The following TMEM178B variants were observed in gnomAD, a reference collection of about 807,000 sequenced individuals.
TMEM178B encodes the protein transmembrane protein 178B.
In TMEM178B, 5 loss-of-function variants were observed where a neutral mutation model predicts 31.0. That is an observed-to-expected ratio of 0.16 (90% CI 0.08 to 0.34). The LOEUF is 0.34. TMEM178B is among the 10% of genes least tolerant of loss of function. The pLI, the probability that TMEM178B is intolerant of heterozygous loss-of-function variation, is 1.00. For synonymous variants in TMEM178B, 164 were observed against 164.0 expected, an observed-to-expected ratio of 1.00 and a Z score of 0.00; for missense variants, 275 against 400.3, an observed-to-expected ratio of 0.69 and a Z score of 2.67.
chr7:141,373,519 G>A (rs539719550), intron 2 of TMEM178B, among the ~76,000 whole-genome samples: 1 of 152,356 alleles, frequency 6.6e-6, no homozygotes, highest in African/African-American at 2.4e-5. Flanking sequence ...ACTGCTCAGA[G>A]TGGGAGGGTG....
At chr7:141,149,067 G>A (rs1795908488) in intron 1 of TMEM178B, among the ~76,000 whole-genome samples, 2 of 152,292 alleles carry the variant, frequency 1.3e-5, no homozygotes, top group South Asian at 4.1e-4. Context: ...GGCTTTGAAT[G>A]CCAGGTAAGG....
At position 141,128,672 on chromosome 7, in the gene TMEM178B, G is replaced by A. The variant is rs186686771; in HGVS notation, c.382+53980G>A. Reference sequence around the variant, plus strand: ...TGAACCATCTGGAGGGCAGAATTCCGGGGCCCACGATGAGTGTGGTAGGGA... The same window carrying A: ...TGAACCATCTGGAGGGCAGAATTCCAGGGCCCACGATGAGTGTGGTAGGGA... On this transcript the variant is annotated intron_variant, in intron 1 of 3. Transcript: ENST00000565468. Among the ~76,000 whole-genome samples the A allele has an allele frequency of 5.3e-5, 8 of 152,232 alleles. No individual in the cohort carries two copies. The East Asian group carries it at 1.4e-3, about 26-fold the overall frequency.
At chr7:141,194,970 C>A (rs890276132) in intron 1 of TMEM178B, among the ~76,000 whole-genome samples, 2 of 152,224 alleles carry the variant, frequency 1.3e-5, no homozygotes, top group African/African-American at 4.8e-5. Context: ...GTACATCAAC[C>A]ACAGCTGGAG....
chr7:141,172,884 G>A (rs556006818), intron 1 of TMEM178B, among the ~76,000 whole-genome samples: 1 of 152,280 alleles, frequency 6.6e-6, no homozygotes, highest in South Asian at 2.1e-4. Context: ...GTACAGATGA[G>A]ATCTGCACAG....
chr7:141,108,781 A>G (rs1795186664), intron 1 of TMEM178B, among the ~76,000 whole-genome samples: 1 of 152,136 alleles, frequency 6.6e-6, no homozygotes, highest in East Asian at 1.9e-4. Flanking sequence ...GTGTTAGCAA[A>G]AGCATGGAGA....
rs1554465447 is a variant in TMEM178B at position 141,229,100 on chromosome 7, G to GTGTGTGTGTGT, written c.496+16396_496+16397insTGTGTGTGTGT. Among the ~76,000 whole-genome samples, 16 of 134,778 alleles carry GTGTGTGTGTGT rather than the reference G, an allele frequency of 1.2e-4. 1 individual carries two copies. The highest frequency in any genetic ancestry group is 4.3e-4 in the African/African-American group (15 of 35,092). 88.4% of individuals were successfully genotyped at this position (134,778 alleles called of 152,430 possible). On this transcript the variant is annotated intron_variant, in intron 2 of 3. Transcript: ENST00000565468. ...TTTTTGCAAAATGATGTGTGTGTGT[G>GTGTGTGTGTGT]GTGTGTGTGTGTGTGTGTGTGTGTG...
downstream of TMEM178B, among the ~76,000 whole-genome samples, chr7:141,483,251 G>A (rs552878624): frequency 6.6e-6 from 1 of 152,310 alleles, no homozygotes; most frequent in East Asian, 1.9e-4. Flanking sequence ...TACACACTGA[G>A]CTATGTGCTG....
In TMEM178B at chr7:141,475,755, T is replaced by A. The variant is rs1366737430; in HGVS notation, c.*4969T>A. 1 of 151,712 alleles carries A rather than the reference T, an allele frequency of 6.6e-6. No individual in the cohort carries two copies. The highest frequency in any genetic ancestry group is 1.9e-4 in the East Asian group (1 of 5,196). 9.4% of individuals were successfully genotyped at this position (151,712 alleles called of 1,614,324 possible). A position where few individuals can be genotyped will look rare whatever the true frequency, so the allele number is the denominator to read the frequency against. ...GGGCTAAAAGATGTCTCTTTGGGCCTGTCTGCCTGCTTTCCTTCCTTCCTT... is the reference window on the plus strand; with the variant it reads ...GGGCTAAAAGATGTCTCTTTGGGCCAGTCTGCCTGCTTTCCTTCCTTCCTT... On this transcript the variant is annotated 3_prime_UTR_variant, in exon 4 of 4. Transcript: ENST00000565468.
chr7:141,448,996 A>G (rs1801812666), intron 3 of TMEM178B, among the ~76,000 whole-genome samples: 1 of 152,122 alleles, frequency 6.6e-6, no homozygotes, highest in African/African-American at 2.4e-5. Flanking sequence ...GGTTGTCGAG[A>G]AGGGACTGAT....
intron 3 of TMEM178B, among the ~76,000 whole-genome samples, chr7:141,438,262 TCTTA>T (rs1586960619): frequency 1.3e-5 from 2 of 152,172 alleles, no homozygotes; most frequent in East Asian, 3.9e-4. Flanking sequence ...TATCTGTCTC[TCTTA>T]CTCTATTATT....
intron 3 of TMEM178B, among the ~76,000 whole-genome samples, chr7:141,466,869 T>C (rs936717556): frequency 2.6e-5 from 4 of 152,184 alleles, no homozygotes; most frequent in African/African-American, 9.7e-5. Context: ...AAACCAGCAA[T>C]TGGAAGCATC....
intron 2 of TMEM178B, among the ~76,000 whole-genome samples, chr7:141,391,125 A>G (rs950107618): frequency 6.6e-6 from 1 of 152,136 alleles, no homozygotes; most frequent in Non-Finnish European, 1.5e-5. Context: ...CTTGAAGGCC[A>G]GGCTGTAGTT....
chr7:141,225,271 A>G lies in TMEM178B; in HGVS notation c.496+12567A>G, dbSNP rs115227617. ...TTCTCCCAAAGGACCTCCCTGCTCC[A>G]TCCTTCACCCCTCCCCCACCATAGG... On this transcript the variant is annotated intron_variant, in intron 2 of 3. Transcript: ENST00000565468. 7.2e-3 allele frequency among the ~76,000 whole-genome samples: 1,094 copies of G among 152,222 alleles called. 17 individuals carry two copies. The highest frequency in any genetic ancestry group is 0.025 in the African/African-American group (1,036 of 41,522).
chr7:141,100,714 G>A (rs1795042502), intron 1 of TMEM178B, among the ~76,000 whole-genome samples: 1 of 152,088 alleles, frequency 6.6e-6, no homozygotes, highest in African/African-American at 2.4e-5. Flanking sequence ...TTGCACACAG[G>A]TACATGTATG....
intron 1 of TMEM178B, among the ~76,000 whole-genome samples, chr7:141,194,203 A>G (rs1232653430): frequency 6.6e-6 from 1 of 151,986 alleles, no homozygotes; most frequent in African/African-American, 2.4e-5. Flanking sequence ...AAAACCAATC[A>G]TGCCTTCCCA....
At chr7:141,370,159 G>T (rs1480389792) in intron 2 of TMEM178B, among the ~76,000 whole-genome samples, 1 of 152,098 alleles carries the variant, frequency 6.6e-6, no homozygotes, top group East Asian at 1.9e-4. Context: ...TCATAGCAGG[G>T]GTGGCAGCAG....
intron 2 of TMEM178B, among the ~76,000 whole-genome samples, chr7:141,335,174 G>A (rs1222254996): frequency 6.6e-6 from 1 of 152,158 alleles, no homozygotes; most frequent in Admixed American, 6.5e-5. Flanking sequence ...TTAATGTCAG[G>A]AGACCGAGAG....
chr7:141,277,937 C>A (rs866932136), intron 2 of TMEM178B, among the ~76,000 whole-genome samples: 37 of 152,132 alleles, frequency 2.4e-4, no homozygotes, highest in African/African-American at 7.7e-4. Context: ...ATCTCATGGA[C>A]CTTATAATCT....
intron 2 of TMEM178B, among the ~76,000 whole-genome samples, chr7:141,254,685 C>T (rs748294858): frequency 3.5e-4 from 53 of 152,162 alleles, no homozygotes; most frequent in Non-Finnish European, 6.9e-4. Context: ...GGCGCCATTT[C>T]ACTCCAGCCT....
Sources: allele counts gnomAD v4.1 joint callset (sites outside exome capture counted in the v4.1 genomes callset), GRCh38; gene constraint gnomAD v4.1.1; transcripts MANE v1.5; gene names NCBI Gene and HGNC (gene_info 2026-07-23, HGNC 2026-07-21).